Variants in CCDC57 observed in about 807,000 individuals in gnomAD.
The protein encoded by CCDC57 is coiled-coil domain-containing protein 57.
In CCDC57, 118 loss-of-function variants were observed where a neutral mutation model predicts 118.9. The observed-to-expected ratio is 0.99, with a 90% CI of 0.86 to 1.16. The LOEUF (loss-of-function observed/expected upper bound fraction) is 1.16. CCDC57 is among the 50% of genes most tolerant of loss of function. The pLI is 0.00. For missense variants in CCDC57, 1,300 were observed against 1,320.7 expected, an observed-to-expected ratio of 0.98 and a Z score of 0.24; for synonymous variants, 527 against 532.9, an observed-to-expected ratio of 0.99 and a Z score of 0.15.
intron 7 of CCDC57, among the ~76,000 whole-genome samples, chr17:82,191,286 A>C (rs1367881754): frequency 6.6e-6 from 1 of 152,002 alleles, no homozygotes; most frequent in Non-Finnish European, 1.5e-5. Context: ...GATGTAGAAG[A>C]AGCAGTGCCA....
At chr17:82,127,989 G>A (rs1053681285) in intron 18 of CCDC57, 81 bp from the exon 18 acceptor site, 16 of 1,539,150 alleles carry the variant, frequency 1.0e-5, no homozygotes, top group Admixed American at 7.1e-5. Context: ...CACTCCCCTC[G>A]GAGCAGTAAG....
intron 19 of CCDC57, among the ~76,000 whole-genome samples, chr17:82,121,368 C>A (rs1371295217): frequency 6.6e-6 from 1 of 152,216 alleles, no homozygotes; most frequent in African/African-American, 2.4e-5. Flanking sequence ...GGCCCCAGTG[C>A]TACTGAGCTG....
At chr17:82,119,455 C>T (rs1485647430) in intron 19 of CCDC57, among the ~76,000 whole-genome samples, 1 of 151,750 alleles carries the variant, frequency 6.6e-6, no homozygotes, top group Non-Finnish European at 1.5e-5. Context: ...TGTGCACCTA[C>T]GGGTACCCCA....
chr17:82,183,666 A>G, intron 9 of CCDC57, 108 bp downstream of exon 8: 3 of 1,081,594 alleles, frequency 2.8e-6, no homozygotes, highest in South Asian at 3.4e-5. Flanking sequence ...TCCCCCAAGA[A>G]AATGTGAGGC....
intron 8 of CCDC57, 99 bp from the exon 8 acceptor site, chr17:82,184,031 G>GCACGCGCGCACACACA (rs2046614226): frequency 7.9e-6 from 1 of 125,852 alleles, no homozygotes; most frequent in Non-Finnish European, 1.6e-5. Flanking sequence ...GCGCGCGCGC[G>GCACGCGCGCACACACA]CACACACACA....
rs764385537 is a variant in CCDC57, at chr17:82,212,395, C to CTTTT, written c.-211+389_-211+390insAAAA. 8.6e-4 allele frequency among the ~76,000 whole-genome samples: 115 copies of CTTTT among 134,214 alleles called. 1 individual carries two copies. Among genetic ancestry groups the CTTTT allele is most frequent in the African/African-American group, 2.9e-3 (98 of 34,326 alleles). The allele number at this position is 134,214 out of a possible 152,430, so 88.0% of individuals were successfully genotyped here. A position where few individuals can be genotyped will look rare whatever the true frequency, so the allele number is the denominator to read the frequency against. Reference sequence around the variant, plus strand: ...ACCGCCTCCGGCCTTTTTTTTTCCTCTCTTTTTTTTTTTTTTTTTTTAAAC... The same window carrying CTTTT: ...ACCGCCTCCGGCCTTTTTTTTTCCTCTTTTTCTTTTTTTTTTTTTTTTTTTAAAC... On this transcript the variant is annotated intron_variant, in intron 1 of 19. Transcript: ENST00000665763. This position sits in a 1 kb window ranked among gnomAD's most constrained non-coding sequence, Gnocchi z 4.1.
intron 18 of CCDC57, 65 bp downstream of exon 17, chr17:82,128,428 G>A: frequency 1.7e-6 from 2 of 1,175,146 alleles, no homozygotes. Flanking sequence ...AGAGCACCCA[G>A]GCCCCGGCTT....
intron 13 of CCDC57, among the ~76,000 whole-genome samples, chr17:82,169,017 A>C (rs2044337786): frequency 6.6e-6 from 1 of 152,242 alleles, no homozygotes; most frequent in Admixed American, 6.5e-5. Context: ...ATTAGGGAGA[A>C]AGACAGCTAT....
intron 3 of CCDC57, among the ~76,000 whole-genome samples, chr17:82,200,084 C>T (rs1041241520): frequency 1.3e-5 from 2 of 152,156 alleles, no homozygotes; most frequent in African/African-American, 4.8e-5. Context: ...TAGAGGGGCA[C>T]CACACCCACC....
At chr17:82,190,608 T>C in intron 7 of CCDC57, among the ~76,000 whole-genome samples, 1 of 144,386 alleles carries the variant, frequency 6.9e-6, no homozygotes, top group East Asian at 2.0e-4. Flanking sequence ...GGCATGAGAA[T>C]AGCTTGAACT....
chr17:82,119,342 T>C lies in CCDC57; in HGVS notation c.2899+8350A>G, dbSNP rs1227012771. Among the ~76,000 whole-genome samples the C allele has an allele frequency of 2.0e-5, 3 of 151,952 alleles. No individual in the cohort carries two copies. The South Asian group carries it at 6.2e-4, about 32-fold the overall frequency. On this transcript the variant is annotated intron_variant, in intron 19 of 19. Coordinates refer to ENST00000665763, the Ensembl canonical transcript of CCDC57. ...TCTGAGACTCCTGGGTTTTGTAGAC[T>C]CGGGGCCTCCCATGCTCCCATCCCT...
intron 5 of CCDC57, among the ~76,000 whole-genome samples, chr17:82,194,939 G>T (rs116922724): frequency 6.6e-6 from 1 of 152,260 alleles, no homozygotes; most frequent in Admixed American, 6.5e-5. Flanking sequence ...ATGGGCAGGC[G>T]TCGAGACTCA....
chr17:82,151,474 TCCAGAACCTGGCGCACAC>T (rs2042062298), intron 16 of CCDC57, 68 bp downstream of exon 15: 3 of 1,136,730 alleles, frequency 2.6e-6, no homozygotes, highest in Non-Finnish European at 3.5e-6. Flanking sequence ...CTGACCCACA[TCCAGAACCTGGCGCACAC>T]CCAGAACCAG....
At chr17:82,200,839 A>T (rs1333400283) in intron 3 of CCDC57, among the ~76,000 whole-genome samples, 1 of 152,248 alleles carries the variant, frequency 6.6e-6, no homozygotes, top group African/African-American at 2.4e-5. Context: ...TTAGAAGAAT[A>T]CATAAAACAT....
intron 11 of CCDC57, among the ~76,000 whole-genome samples, chr17:82,177,052 C>A (rs1481961082): frequency 1.3e-5 from 2 of 151,926 alleles, no homozygotes; most frequent in Admixed American, 6.6e-5. Flanking sequence ...TCAAGACCAG[C>A]CTGACCAACA....
intron 19 of CCDC57, among the ~76,000 whole-genome samples, chr17:82,103,046 G>A (rs1361761442): frequency 5.9e-5 from 9 of 152,254 alleles, no homozygotes; most frequent in African/African-American, 1.4e-4. Context: ...GTCAGCGGGC[G>A]GCCAACGCCT....
At chr17:82,179,292 G>T in intron 9 of CCDC57, 103 bp from the exon 9 acceptor site, 1 of 1,316,176 alleles carries the variant, frequency 7.6e-7, no homozygotes, top group Non-Finnish European at 1.0e-6. Flanking sequence ...TGTCCCTCCT[G>T]CTCTCGCATG....
chr17:82,157,718 G>A lies in CCDC57; in HGVS notation c.2241+30C>T, dbSNP rs539968252. The A allele has an allele frequency of 1.3e-4, 207 of 1,554,384 alleles. No homozygotes were observed. In the African/African-American group the frequency reaches 1.8e-3, roughly 14 times the overall value. ...CGGTTTCTGTGGCAGGAACCTCGGCGGGTGGCAGGAGGAGCTAGCGGGCAC... is the reference window on the plus strand; with the variant it reads ...CGGTTTCTGTGGCAGGAACCTCGGCAGGTGGCAGGAGGAGCTAGCGGGCAC... On this transcript the variant is annotated intron_variant, in intron 15 of 19. Transcript: ENST00000665763.
At chr17:82,184,033 A>ACGCG (rs1170834057) in intron 8 of CCDC57, 101 bp from the exon 8 acceptor site, 2 of 171,432 alleles carry the variant, frequency 1.2e-5, no homozygotes, top group Non-Finnish European at 2.4e-5. Flanking sequence ...GCGCGCGCGC[A>ACGCG]CACACACACA....
Sources: gnomAD v4.1 joint callset for allele counts (sites outside exome capture counted in the v4.1 genomes callset) on GRCh38, gnomAD v4.1.1 for gene constraint, Gnocchi (gnomAD v3.1) non-coding constraint, MANE v1.5 for transcripts, NCBI Gene and HGNC (gene_info 2026-07-23, HGNC 2026-07-21) for gene names.